AGAP1: variants seen among roughly 807,000 people sequenced by gnomAD.
AGAP1 encodes arf-GAP with GTPase, ANK repeat and PH domain-containing protein 1.
A neutral mutation model predicts 105.3 loss-of-function variants in AGAP1; 29 were observed. The ratio of observed to expected loss-of-function variants is 0.28; its 90% confidence interval spans 0.21 to 0.38. AGAP1 has a LOEUF of 0.38. Among genes scored for constraint, AGAP1 ranks in the 10% least tolerant of loss-of-function variants. AGAP1 has a pLI of 1.00. For synonymous variants in AGAP1, 509 were observed against 485.9 expected (o/e 1.05, Z -0.63); for missense variants, 998 against 1,165.1 (o/e 0.86, Z 2.09).
intron 1 of AGAP1, among the ~76,000 whole-genome samples, chr2:235,707,646 A>ATGGTGGGTTGTGCTCCCCCGGCGTG (rs1950615816): frequency 3.5e-5 from 2 of 56,572 alleles, no homozygotes; most frequent in Admixed American, 1.5e-4. Flanking sequence ...AGCATGTGAC[A>ATGGTGGGTTGTGCTCCCCCGGCGTG]TGATGGGTTG....
chr2:235,525,406 GGAGGACTGATTTATAAAGTA>G (rs1394668602), intron 1 of AGAP1, among the ~76,000 whole-genome samples: 5 of 139,572 alleles, frequency 3.6e-5, no homozygotes, highest in African/African-American at 1.4e-4. Flanking sequence ...CACATAATGT[GGAGGACTGATTTATAAAGTA>G]GAGGACTGAT....
chr2:235,614,321 A>G lies in AGAP1; in HGVS notation c.164-94858A>G, dbSNP rs1946237892. ...TGTATAACAAAAGTGGGATCCGGAA[A>G]GGGCTGCTGGCGAGTGGGAGTTTTC... On this transcript the variant is annotated intron_variant, in intron 1 of 17. Transcript: ENST00000304032. The surrounding 1 kb of genome is among the most constrained non-coding windows in gnomAD (Gnocchi z 4.7). 6.6e-6 allele frequency among the ~76,000 whole-genome samples: 1 copy of G among 152,120 alleles called. No individual in the cohort carries two copies. Among genetic ancestry groups the G allele is most frequent in the African/African-American group, 2.4e-5 (1 of 41,414 alleles).
chr2:236,034,941 G>T (rs2057334537), intron 13 of AGAP1, among the ~76,000 whole-genome samples: 2 of 152,212 alleles, frequency 1.3e-5, no homozygotes, highest in South Asian at 2.1e-4. Flanking sequence ...TGCTCAGGTG[G>T]AAGGGATCTC....
chr2:236,077,850 A>G (rs149655730), intron 16 of AGAP1, among the ~76,000 whole-genome samples: 106 of 152,302 alleles, frequency 7.0e-4, no homozygotes, highest in African/African-American at 2.5e-3. Flanking sequence ...TTTTTCAGGT[A>G]TTGATCCAAC....
intron 1 of AGAP1, among the ~76,000 whole-genome samples, chr2:235,653,194 A>ATG: frequency 6.6e-6 from 1 of 152,094 alleles, no homozygotes; most frequent in East Asian, 1.9e-4. Flanking sequence ...GGCCGGGCGC[A>ATG]GTGGCTCATG....
rs796721149 is a variant in AGAP1 at position 235,704,962 on chromosome 2, C to CTTTTTTTTTTTTT, written c.164-4211_164-4210insTTTTTTTTTTTTT. Among the ~76,000 whole-genome samples the CTTTTTTTTTTTTT allele has an allele frequency of 1.7e-4, 15 of 86,010 alleles. 7 individuals carry two copies. The highest frequency in any genetic ancestry group is 9.2e-5 in the Non-Finnish European group (4 of 43,478). 56.4% of individuals were successfully genotyped at this position (86,010 alleles called of 152,430 possible). A position where few individuals can be genotyped will look rare whatever the true frequency, so the allele number is the denominator to read the frequency against. On this transcript the variant is annotated intron_variant, in intron 1 of 17. Transcript: ENST00000304032. ...AACGTCGATTGTAAAATACAAGATG[C>CTTTTTTTTTTTTT]TTTTTTCTTTTTTTTTTTTTTTTTT... is the stretch of plus-strand genomic sequence containing the variant.
At chr2:235,821,853 A>G (rs986974375) in intron 9 of AGAP1, among the ~76,000 whole-genome samples, 6 of 152,182 alleles carry the variant, frequency 3.9e-5, no homozygotes, top group Non-Finnish European at 8.8e-5. Context: ...TCTTATGTCC[A>G]TGACCTTGAC....
At chr2:235,880,803 C>T (rs531893747) in intron 9 of AGAP1, among the ~76,000 whole-genome samples, 1 of 151,960 alleles carries the variant, frequency 6.6e-6, no homozygotes, top group South Asian at 2.1e-4. Flanking sequence ...TTAAAATCCA[C>T]GGGAATCCCA....
In AGAP1 at chr2:235,971,541, A is replaced by C. The variant is rs991998318; in HGVS notation, c.1645+2918A>C. Among the ~76,000 whole-genome samples the C allele has an allele frequency of 6.6e-6, 1 of 152,056 alleles. No individual in the cohort carries two copies. The highest frequency in any genetic ancestry group is 6.5e-5 in the Admixed American group (1 of 15,282). ...CAATGAAACCCCGTCTCTACTAAAA[A>C]TACAAAAATTAGCTGGGCATGGTGG... On this transcript the variant is annotated intron_variant, in intron 13 of 17. Transcript: ENST00000304032. The surrounding 1 kb of genome is among the most constrained non-coding windows in gnomAD (Gnocchi z 4.8).
chr2:235,938,985 G>A (rs1028304841), intron 12 of AGAP1, among the ~76,000 whole-genome samples: 4 of 152,170 alleles, frequency 2.6e-5, no homozygotes, highest in South Asian at 2.1e-4. Context: ...GTCCCCCAGG[G>A]GTTTCAGATG....
chr2:235,729,710 G>A lies in AGAP1; in HGVS notation c.311-11253G>A, dbSNP rs117711610. ...ACAGGATTGTAAGAATTACAAATGC[G>A]TTTTCCAGAGTCCCCAGAGAAAAAG... On this transcript the variant is annotated intron_variant, in intron 3 of 17. Transcript: ENST00000304032. The surrounding 1 kb of genome is among the most constrained non-coding windows in gnomAD (Gnocchi z 5.0). Among the ~76,000 whole-genome samples the A allele has an allele frequency of 1.3e-3, 195 of 152,254 alleles. 3 individuals are homozygous for A. In the East Asian group the frequency reaches 0.028, roughly 22 times the overall value.
At chr2:235,560,899 C>T (rs571050024) in intron 1 of AGAP1, among the ~76,000 whole-genome samples, 6 of 152,302 alleles carry the variant, frequency 3.9e-5, no homozygotes, top group African/African-American at 1.2e-4. Flanking sequence ...CTAGGCCAAG[C>T]GATGCTCCAG....
chr2:236,047,114 A>T (rs1447319670), intron 15 of AGAP1, among the ~76,000 whole-genome samples: 2 of 152,296 alleles, frequency 1.3e-5, no homozygotes, highest in East Asian at 3.9e-4. Flanking sequence ...ATCTCAAAAA[A>T]AGAGTAGTAC....
rs1360109454 is a variant in AGAP1, at chr2:235,739,126, G to A, written c.311-1837G>A. Among the ~76,000 whole-genome samples, 1 of 152,160 alleles carries A rather than the reference G, an allele frequency of 6.6e-6. No individual in the cohort carries two copies. The highest frequency in any genetic ancestry group is 2.4e-5 in the African/African-American group (1 of 41,436). On this transcript the variant is annotated intron_variant, in intron 3 of 17. Transcript: ENST00000304032. The surrounding 1 kb of genome is among the most constrained non-coding windows in gnomAD (Gnocchi z 5.3). ...TCAACTTATTACTCCTCGCCTGCTA[G>A]GACATCATCCCCTTTGCATCTGGGG...
chr2:236,039,370 A>C (rs960004521), intron 14 of AGAP1, among the ~76,000 whole-genome samples: 1 of 152,250 alleles, frequency 6.6e-6, no homozygotes, highest in East Asian at 1.9e-4. Context: ...ACTTGAGCCC[A>C]GGAGATGGAG....
chr2:235,521,300 T>C (rs1942604413), intron 1 of AGAP1, among the ~76,000 whole-genome samples: 1 of 152,232 alleles, frequency 6.6e-6, no homozygotes, highest in African/African-American at 2.4e-5. Context: ...CATTTCTTTA[T>C]TTTCAATTTT....
chr2:235,837,691 C>G (rs1158919971), intron 9 of AGAP1, among the ~76,000 whole-genome samples: 1 of 152,204 alleles, frequency 6.6e-6, no homozygotes, highest in Non-Finnish European at 1.5e-5. Context: ...TTGTCATGAT[C>G]TCTGTATTCC....
intron 13 of AGAP1, among the ~76,000 whole-genome samples, chr2:236,021,355 C>G (rs1334921258): frequency 2.0e-5 from 3 of 152,088 alleles, no homozygotes; most frequent in Non-Finnish European, 4.4e-5. Context: ...GAAGCCCTCA[C>G]CGTGGACAGT....
At position 236,038,643 on chromosome 2, in the gene AGAP1, A is replaced by G. The variant is rs1360579159; in HGVS notation, c.1800+1928A>G. On this transcript the variant is annotated intron_variant, in intron 14 of 17. Transcript: ENST00000304032. This position sits in a 1 kb window ranked among gnomAD's most constrained non-coding sequence, Gnocchi z 4.5. ...CATAAAACATGGAAATACTGTCCAC[A>G]AGGAGTAGCGGGAGGCAAAAATACA... Among the ~76,000 whole-genome samples, 1 of 152,212 alleles carries G rather than the reference A, an allele frequency of 6.6e-6. No homozygotes were observed. Among genetic ancestry groups the G allele is most frequent in the African/African-American group, 2.4e-5 (1 of 41,450 alleles).
Sources: gnomAD v4.1 joint callset for allele counts (sites outside exome capture counted in the v4.1 genomes callset) on GRCh38, gnomAD v4.1.1 for gene constraint, Gnocchi (gnomAD v3.1) non-coding constraint, MANE v1.5 for transcripts, NCBI Gene and HGNC (gene_info 2026-07-23, HGNC 2026-07-21) for gene names.